Variants in PCDHGA8 observed in about 807,000 individuals in gnomAD.
PCDHGA8 encodes the protein protocadherin gamma subfamily A, 8.
PCDHGA8 carries 45 observed loss-of-function variants against 59.2 expected under a neutral mutation model. The ratio of observed to expected loss-of-function variants is 0.76; its 90% CI spans 0.60 to 0.98. PCDHGA8 has a LOEUF of 0.98. Ranked by LOEUF, PCDHGA8 falls within the 50% of genes least tolerant of loss-of-function variation. The pLI is 0.00. For synonymous variants in PCDHGA8, 531 were observed against 519.0 expected (o/e 1.02, Z -0.32); for missense variants, 1,257 against 1,196.2 (o/e 1.05, Z -0.75).
In PCDHGA8 at chr5:141,485,848, C is replaced by T; in HGVS notation, c.2425-8959C>T. On this transcript the variant is annotated intron_variant, in intron 1 of 3. Coordinates refer to ENST00000398604, the MANE Select transcript of PCDHGA8 (RefSeq NM_032088.2). This position sits in a 1 kb window ranked among gnomAD's most constrained non-coding sequence, Gnocchi z 5.7. ...GAGGGAACCCGCCGAGATCTGGCAC[C>T]GCAGAGCTCCGGGTATCCGTGCTGG... The T allele has an allele frequency of 1.2e-6, 2 of 1,614,194 alleles. No homozygotes were observed. Among genetic ancestry groups the T allele is most frequent in the South Asian group, 2.2e-5 (2 of 91,080 alleles).
chr5:141,490,960 T>C lies in PCDHGA8; in HGVS notation c.2425-3847T>C. 1.9e-6 allele frequency: 3 copies of C among 1,613,794 alleles called. No homozygotes were observed. The highest frequency in any genetic ancestry group is 2.2e-5 in the South Asian group (2 of 91,030). On this transcript the variant is annotated intron_variant, in intron 1 of 3. Transcript: ENST00000398604. The surrounding 1 kb of genome is among the most constrained non-coding windows in gnomAD (Gnocchi z 5.4). ...GCACCCACGGCCAGACTGGGAACACTCAGCCCCCCAGCGTCTCCCTCGCTC... is the reference window on the plus strand; with the variant it reads ...GCACCCACGGCCAGACTGGGAACACCCAGCCCCCCAGCGTCTCCCTCGCTC...
intron 2 of PCDHGA8, among the ~76,000 whole-genome samples, chr5:141,501,200 G>A (rs888856586): frequency 1.3e-5 from 2 of 151,854 alleles, no homozygotes; most frequent in African/African-American, 4.8e-5. Context: ...AATTCAGGGT[G>A]TTGTCAGGGT....
rs752316565 is a variant in PCDHGA8 at position 141,487,235 on chromosome 5, C to T, written c.2425-7572C>T. On this transcript the variant is annotated intron_variant, in intron 1 of 3. Coordinates refer to ENST00000398604, the MANE Select transcript of PCDHGA8 (RefSeq NM_032088.2). This position sits in a 1 kb window ranked among gnomAD's most constrained non-coding sequence, Gnocchi z 5.0. The stretch of plus-strand genomic sequence containing the variant: ...TTCAGCTCCAAGGGAAGGAGAATCT[C>T]GTCTAACCCTCTACTTGGCTGTGTC... The T allele has an allele frequency of 2.5e-6, 4 of 1,614,126 alleles. No individual in the cohort carries two copies. Among genetic ancestry groups the T allele is most frequent in the Non-Finnish European group, 3.4e-6 (4 of 1,179,994 alleles).
intron 1 of PCDHGA8, chr5:141,433,260 C>A: frequency 1.5e-6 from 2 of 1,352,308 alleles, no homozygotes; most frequent in South Asian, 1.4e-5. Flanking sequence ...GCGGTACGAT[C>A]ATAGCTCACT....
chr5:141,492,360 G>A (rs2099739696), intron 1 of PCDHGA8, among the ~76,000 whole-genome samples: 1 of 152,190 alleles, frequency 6.6e-6, no homozygotes, highest in African/African-American at 2.4e-5. Context: ...CCACTCGCTC[G>A]CGGCCAGATT....
chr5:141,433,142 G>A, intron 1 of PCDHGA8: 2 of 1,614,108 alleles, frequency 1.2e-6, no homozygotes, highest in African/African-American at 1.3e-5. Flanking sequence ...TTTGCTGTCA[G>A]GTGATTCGGT....
At position 141,490,456 on chromosome 5, in the gene PCDHGA8, C is replaced by G. The variant is rs370141879; in HGVS notation, c.2425-4351C>G. On this transcript the variant is annotated intron_variant, in intron 1 of 3. Transcript: ENST00000398604. The surrounding 1 kb of genome is among the most constrained non-coding windows in gnomAD (Gnocchi z 5.4). The stretch of plus-strand genomic sequence containing the variant: ...TAAGCCTTCTGAGAACCACTACTCG[C>G]TGCTAACCAGCCAGCCTTTGGACCG... 3.7e-6 allele frequency: 6 copies of G among 1,614,114 alleles called. No individual in the cohort carries two copies. Among genetic ancestry groups the G allele is most frequent in the Non-Finnish European group, 5.1e-6 (6 of 1,180,058 alleles).
At chr5:141,405,457 T>TC in intron 1 of PCDHGA8, 3 of 1,256,668 alleles carry the variant, frequency 2.4e-6, no homozygotes, top group South Asian at 1.4e-5. Context: ...TCTTACTCTG[T>TC]TACCCAGGCT....
intron 1 of PCDHGA8, chr5:141,400,141 A>G (rs763561348): frequency 1.9e-6 from 3 of 1,614,020 alleles, no homozygotes; most frequent in Non-Finnish European, 8.5e-7. Flanking sequence ...GCCGGATATC[A>G]CTGACCGCCC....
chr5:141,421,795 GC>G, intron 1 of PCDHGA8: 1 of 1,613,818 alleles, frequency 6.2e-7, no homozygotes, highest in East Asian at 2.2e-5. Context: ...AACGGATGGG[GC>G]CAAGAATCCA....
intron 1 of PCDHGA8, among the ~76,000 whole-genome samples, chr5:141,438,591 C>CATATATAT (rs946798767): frequency 3.4e-4 from 26 of 75,528 alleles, no homozygotes; most frequent in Non-Finnish European, 5.4e-4. Flanking sequence ...TACATACATA[C>CATATATAT]ATATATATAT....
intron 1 of PCDHGA8, among the ~76,000 whole-genome samples, chr5:141,462,442 A>C (rs890167032): frequency 1.3e-5 from 2 of 152,150 alleles, no homozygotes; most frequent in African/African-American, 4.8e-5. Context: ...GCTTACACAC[A>C]ACTGTGTAAC....
intron 1 of PCDHGA8, among the ~76,000 whole-genome samples, chr5:141,452,145 C>T (rs1414317332): frequency 6.6e-6 from 1 of 152,020 alleles, no homozygotes; most frequent in Non-Finnish European, 1.5e-5. Flanking sequence ...GTGTTTTTTC[C>T]AATGAGTTAT....
chr5:141,478,347 C>T, intron 1 of PCDHGA8: 2 of 1,613,802 alleles, frequency 1.2e-6, no homozygotes, highest in Non-Finnish European at 1.7e-6. Context: ...TCCTTGCACG[C>T]GGACGCCGTG....
chr5:141,393,555 C>A lies in PCDHGA8; in HGVS notation c.742C>A (p.Arg248=). The part of the protein sequence containing the change: ...NAPVFPHPIY[R]VKVLENMPPG... ...CCCGGTTTTTCCTCACCCGATTTAC[C>A]GAGTGAAAGTCCTTGAGAACATGCC... Residue 248 remains arginine, a synonymous_variant, in exon 1 of 4, where the codon CGA becomes AGA. Transcript: ENST00000398604. The A allele has an allele frequency of 5.0e-6, 8 of 1,613,928 alleles. 1 individual carries two copies. Among genetic ancestry groups the A allele is most frequent in the Non-Finnish European group, 6.8e-6 (8 of 1,179,886 alleles).
intron 1 of PCDHGA8, chr5:141,418,346 A>G (rs780933957): frequency 1.7e-5 from 27 of 1,614,022 alleles, no homozygotes; most frequent in South Asian, 2.2e-5. Flanking sequence ...TCCTGATATT[A>G]GTATGAATTC....
Position 141,487,390 on chromosome 5 carries a change from G to A in PCDHGA8, c.2425-7417G>A, listed in dbSNP as rs769886634. On this transcript the variant is annotated intron_variant, in intron 1 of 3. Coordinates refer to ENST00000398604, the MANE Select transcript of PCDHGA8 (RefSeq NM_032088.2). The surrounding 1 kb of genome is among the most constrained non-coding windows in gnomAD (Gnocchi z 5.0). The stretch of plus-strand genomic sequence containing the variant: ...GTGCCTGTCTCACCAGATCTCGAAG[G>A]AGGGAGGGGCTTCCCCCTTCCAATG... 1.2e-6 allele frequency: 2 copies of A among 1,614,182 alleles called. No homozygotes were observed. The highest frequency in any genetic ancestry group is 1.3e-5 in the African/African-American group (1 of 75,070).
intron 1 of PCDHGA8, among the ~76,000 whole-genome samples, chr5:141,469,882 G>A (rs760102003): frequency 2.6e-5 from 4 of 152,280 alleles, no homozygotes; most frequent in Non-Finnish European, 4.4e-5. Context: ...TGTAATCTCG[G>A]CACTTTGGGA....
chr5:141,511,147 A>T lies in PCDHGA8; in HGVS notation c.2773A>T (p.Lys925Ter). The change falls in exon 4 of 4, where the codon AAG becomes TAG. Residue 925 changes from lysine to a stop codon, truncating the protein, a stop_gained. Coordinates refer to ENST00000398604, the MANE Select transcript of PCDHGA8 (RefSeq NM_032088.2). LOFTEE classifies it high-confidence loss of function. Reference sequence around the variant, plus strand: ...AGCAGGTGGCAATGGCAACAAGAAGAAGTCGGGCAAGAAGGAGAAGAAGTA... The same window carrying T: ...AGCAGGTGGCAATGGCAACAAGAAGTAGTCGGGCAAGAAGGAGAAGAAGTA... The part of the protein sequence containing the change: ...APAGGNGNKK[K>*]SGKKEKK 1 of 1,614,188 alleles carries T rather than the reference A, an allele frequency of 6.2e-7. No homozygotes were observed. Among genetic ancestry groups the T allele is most frequent in the East Asian group, 2.2e-5 (1 of 44,876 alleles).
Sources: allele counts gnomAD v4.1 joint callset (sites outside exome capture counted in the v4.1 genomes callset), GRCh38; gene constraint gnomAD v4.1.1; non-coding constraint Gnocchi (gnomAD v3.1); transcripts MANE v1.5; gene names NCBI Gene and HGNC (gene_info 2026-07-23, HGNC 2026-07-21).